CNTNAP4: variants seen among roughly 807,000 people sequenced by gnomAD.
The protein encoded by CNTNAP4 is contactin associated protein family member 4, also known as contactin-associated protein-like 4.
A neutral mutation model predicts 148.4 loss-of-function variants in CNTNAP4; 98 were observed. The ratio of observed to expected loss-of-function variants is 0.66; its 90% CI spans 0.56 to 0.78. The LOEUF (loss-of-function observed/expected upper bound fraction) is 0.78, where lower values mean the gene tolerates loss of function less well. Ranked by LOEUF, CNTNAP4 falls within the 30% of genes least tolerant of loss-of-function variation. CNTNAP4 has a pLI of 0.00. For synonymous variants in CNTNAP4, 730 were observed against 565.1 expected, an observed-to-expected ratio of 1.29 and a Z score of -4.14; for missense variants, 1,935 against 1,565.6, an observed-to-expected ratio of 1.24 and a Z score of -3.98.
chr16:76,292,548 T>C (rs1959156953), intron 1 of CNTNAP4, among the ~76,000 whole-genome samples: 1 of 152,210 alleles, frequency 6.6e-6, no homozygotes, highest in Admixed American at 6.5e-5. Context: ...CTGCTGCAAA[T>C]GCAGGTTTTC....
chr16:76,422,980 C>T (rs2079244248), intron 3 of CNTNAP4, among the ~76,000 whole-genome samples: 1 of 152,058 alleles, frequency 6.6e-6, no homozygotes, highest in Non-Finnish European at 1.5e-5. Flanking sequence ...GGTCAAGAGT[C>T]CTGTTATGGA....
intron 4 of CNTNAP4, among the ~76,000 whole-genome samples, chr16:76,430,643 A>T (rs1394204478): frequency 6.6e-6 from 1 of 151,654 alleles, no homozygotes; most frequent in Admixed American, 6.5e-5. Flanking sequence ...GGAAGGCCTG[A>T]AGGATTGCAT....
intron 7 of CNTNAP4, among the ~76,000 whole-genome samples, chr16:76,451,093 C>CG: frequency 6.6e-6 from 1 of 152,226 alleles, no homozygotes; most frequent in Non-Finnish European, 1.5e-5. Flanking sequence ...TGCTGTCGGT[C>CG]GGTTGGGCCA....
chr16:76,421,856 C>G (rs946920427), intron 3 of CNTNAP4, among the ~76,000 whole-genome samples: 11 of 152,234 alleles, frequency 7.2e-5, no homozygotes, highest in Non-Finnish European at 1.3e-4. Flanking sequence ...TTGGATGGAG[C>G]TGGACTGATT....
chr16:76,314,654 G>A (rs533277658), intron 1 of CNTNAP4, among the ~76,000 whole-genome samples: 5 of 152,230 alleles, frequency 3.3e-5, no homozygotes, highest in East Asian at 1.9e-4. Flanking sequence ...TTAAGTAAAC[G>A]TTATCAATCG....
At chr16:76,459,856 A>G (rs1189321031) in intron 8 of CNTNAP4, among the ~76,000 whole-genome samples, 1 of 152,188 alleles carries the variant, frequency 6.6e-6, no homozygotes, top group East Asian at 1.9e-4. Flanking sequence ...CTCCTTGTAG[A>G]ATCGATTGTC....
rs2085377469 is a variant in CNTNAP4, at chr16:76,560,614, G to A, written c.*1931G>A. Among the ~76,000 whole-genome samples the A allele has an allele frequency of 6.6e-6, 1 of 152,174 alleles. No homozygotes were observed. The highest frequency in any genetic ancestry group is 1.5e-5 in the Non-Finnish European group (1 of 68,034). Reference sequence around the variant, plus strand: ...AACTCTAGGGAGGTTTATTGGTGAAGCCTCACAGTCCTCTGTGGTCTGCAC... The same window carrying A: ...AACTCTAGGGAGGTTTATTGGTGAAACCTCACAGTCCTCTGTGGTCTGCAC... On this transcript the variant is annotated 3_prime_UTR_variant, in exon 24 of 24. Coordinates refer to ENST00000611870, the MANE Select transcript of CNTNAP4 (RefSeq NM_033401.5).
chr16:76,423,423 C>T (rs1319544597), intron 3 of CNTNAP4, among the ~76,000 whole-genome samples: 5 of 152,058 alleles, frequency 3.3e-5, no homozygotes, highest in Admixed American at 2.0e-4. Flanking sequence ...AAAGAAACAC[C>T]TCAAGTAATG....
intron 4 of CNTNAP4, among the ~76,000 whole-genome samples, chr16:76,435,682 A>G (rs2079798320): frequency 6.6e-6 from 1 of 152,132 alleles, no homozygotes; most frequent in Non-Finnish European, 1.5e-5. Context: ...CACCATCCCC[A>G]TCTCCCTAAG....
Position 76,427,589 on chromosome 16 carries a change from A to C in CNTNAP4, c.528A>C (p.Gly176=). 1 of 1,609,838 alleles carries C rather than the reference A, an allele frequency of 6.2e-7. No individual in the cohort carries two copies. The highest frequency in any genetic ancestry group is 8.5e-7 in the Non-Finnish European group (1 of 1,178,158). ...TTGGAATGCGAATCGAAGTGTTCGG[A>C]TGTGCATACAGTAAGTGTTTGTTTA... ...GRIGMRIEVF[G]CAYRSEVVDL... is the part of the protein sequence containing the mutation. The change falls in exon 4 of 24, where the codon GGA becomes GGC. Residue 176 remains glycine, a synonymous_variant. Transcript: ENST00000611870.
At chr16:76,278,639 T>A (rs1052381653) in intron 1 of CNTNAP4, among the ~76,000 whole-genome samples, 2 of 152,230 alleles carry the variant, frequency 1.3e-5, no homozygotes, top group African/African-American at 4.8e-5. Context: ...CAAACAAGCT[T>A]GGCAAATACA....
intron 21 of CNTNAP4, among the ~76,000 whole-genome samples, chr16:76,544,852 C>G (rs1484226419): frequency 1.3e-5 from 2 of 152,128 alleles, no homozygotes; most frequent in African/African-American, 4.8e-5. Context: ...TTTCAAATTA[C>G]TGCAGTGGAG....
In CNTNAP4 at chr16:76,462,250, A is replaced by C. The variant is rs192536106; in HGVS notation, c.1483+145A>C. 8.4e-6 allele frequency: 6 copies of C among 712,238 alleles called. No homozygotes were observed. The East Asian group carries it at 1.8e-4, about 21-fold the overall frequency. 44.1% of individuals were successfully genotyped at this position (712,238 alleles called of 1,614,324 possible). A position where few individuals can be genotyped will look rare whatever the true frequency, so the allele number is the denominator to read the frequency against. On this transcript the variant is annotated intron_variant, in intron 9 of 23. Transcript: ENST00000611870. ...CTTTGATCACGGACATTTTGGGTGG[A>C]TCAAGTCGAAAAATTCTGACCTGAA... is the stretch of plus-strand genomic sequence containing the variant.
At chr16:76,552,816 G>A (rs1025055997) in intron 21 of CNTNAP4, among the ~76,000 whole-genome samples, 8 of 152,134 alleles carry the variant, frequency 5.3e-5, no homozygotes, top group African/African-American at 1.7e-4. Context: ...GTCGGGTTGG[G>A]CATCTGATAA....
chr16:76,298,416 A>G (rs1959540818), intron 1 of CNTNAP4, among the ~76,000 whole-genome samples: 1 of 152,094 alleles, frequency 6.6e-6, no homozygotes, highest in African/African-American at 2.4e-5. Flanking sequence ...TTAACAGTCT[A>G]GCTTTTATGA....
chr16:76,514,795 G>T (rs12325026), intron 15 of CNTNAP4, among the ~76,000 whole-genome samples: 2 of 152,016 alleles, frequency 1.3e-5, no homozygotes. Flanking sequence ...CCAATACATA[G>T]GTTATTGTGT....
chr16:76,468,094 C>G (rs933765297), intron 10 of CNTNAP4, among the ~76,000 whole-genome samples: 5 of 152,074 alleles, frequency 3.3e-5, no homozygotes, highest in East Asian at 1.9e-4. Context: ...TAAGGATGAT[C>G]AAAGAGTTTC....
chr16:76,470,490 T>TAC (rs1185621470), intron 10 of CNTNAP4, among the ~76,000 whole-genome samples: 12 of 117,494 alleles, frequency 1.0e-4, no homozygotes, highest in Non-Finnish European at 1.9e-4. Context: ...ATAATATATA[T>TAC]ATATATAAAA....
chr16:76,309,743 G>C (rs1946767746), intron 1 of CNTNAP4: 2 of 646,606 alleles, frequency 3.1e-6, no homozygotes, highest in Admixed American at 2.3e-5. Flanking sequence ...AATTGAATTG[G>C]GGTTTGGGCG....
Sources: allele counts gnomAD v4.1 joint callset (sites outside exome capture counted in the v4.1 genomes callset), GRCh38; gene constraint gnomAD v4.1.1; transcripts MANE v1.5; gene names NCBI Gene and HGNC (gene_info 2026-07-23, HGNC 2026-07-21).